JPH3: variants seen among roughly 807,000 people sequenced by gnomAD.
JPH3 encodes the protein junctophilin 3.
In JPH3, 11 loss-of-function variants were observed where a neutral mutation model predicts 59.6. The ratio of observed to expected loss-of-function variants is 0.18; its 90% CI spans 0.12 to 0.31. The LOEUF (loss-of-function observed/expected upper bound fraction) is 0.31, where lower values mean the gene tolerates loss of function less well. JPH3 is among the 10% of genes least tolerant of loss of function. The probability of loss-of-function intolerance (pLI) is 1.00; values close to 1 mark genes in which losing one functional copy is unlikely to be tolerated. For missense variants in JPH3, 1,202 were observed against 1,105.7 expected (o/e 1.09, Z -1.24); for synonymous variants, 673 against 483.6 (o/e 1.39, Z -5.14).
At chr16:87,685,085 C>A (rs544560421) in intron 3 of JPH3, among the ~76,000 whole-genome samples, 3 of 152,172 alleles carry the variant, frequency 2.0e-5, no homozygotes, top group African/African-American at 7.2e-5. Context: ...TGAACTTGCT[C>A]GCAACGCCTG....
chr16:87,636,547 C>T (rs1268446446), intron 1 of JPH3, among the ~76,000 whole-genome samples: 1 of 152,226 alleles, frequency 6.6e-6, no homozygotes, highest in Admixed American at 6.5e-5. Context: ...AGCCCTGTCC[C>T]TCACTGCCTG....
intron 2 of JPH3, among the ~76,000 whole-genome samples, chr16:87,681,028 C>G (rs191520939): frequency 2.0e-5 from 3 of 152,160 alleles, no homozygotes; most frequent in Non-Finnish European, 4.4e-5. Flanking sequence ...TGAAAGACCC[C>G]GTCCTCTCCG....
At chr16:87,635,439 C>T (rs915164451) in intron 1 of JPH3, among the ~76,000 whole-genome samples, 11 of 152,324 alleles carry the variant, frequency 7.2e-5, no homozygotes, top group East Asian at 5.8e-4. Flanking sequence ...AAGAGCCTGC[C>T]AGCCATACTT....
intron 2 of JPH3, among the ~76,000 whole-genome samples, chr16:87,677,179 T>C (rs1345758235): frequency 5.5e-5 from 4 of 72,686 alleles, no homozygotes; most frequent in African/African-American, 2.0e-4. Flanking sequence ...ACGCACTATA[T>C]ATATATACAC....
At chr16:87,665,245 G>A (rs1013624438) in intron 2 of JPH3, among the ~76,000 whole-genome samples, 1 of 152,194 alleles carries the variant, frequency 6.6e-6, no homozygotes, top group African/African-American at 2.4e-5. Context: ...CCGATTGGCT[G>A]CCCGGGACCT....
At chr16:87,616,777 C>G (rs149138709) in intron 1 of JPH3, among the ~76,000 whole-genome samples, 1 of 152,184 alleles carries the variant, frequency 6.6e-6, no homozygotes, top group Non-Finnish European at 1.5e-5. Context: ...TAGCCATACC[C>G]GCTGCCCTGG....
At position 87,697,366 on chromosome 16, in the gene JPH3, C is replaced by A. The variant is rs1051280598; in HGVS notation, c.*706C>A. On this transcript the variant is annotated 3_prime_UTR_variant, in exon 5 of 5. Coordinates refer to ENST00000284262, the MANE Select transcript of JPH3 (RefSeq NM_020655.4). ...CAAAGCCCTTTTCTTCTGCTGCCCA[C>A]TCACTGTGGGTCCCATTCGGCTGTT... 1 of 152,454 alleles carries A rather than the reference C, an allele frequency of 6.6e-6. No homozygotes were observed. The highest frequency in any genetic ancestry group is 2.4e-5 in the African/African-American group (1 of 41,462). The allele number at this position is 152,454 out of a possible 1,614,324, so 9.4% of individuals were successfully genotyped here.
chr16:87,685,096 C>G (rs1567613947), intron 3 of JPH3, among the ~76,000 whole-genome samples: 1 of 152,204 alleles, frequency 6.6e-6, no homozygotes, highest in Non-Finnish European at 1.5e-5. Flanking sequence ...GCAACGCCTG[C>G]CACTCTGGCC....
rs1185749753 is a variant in JPH3 at position 87,698,038 on chromosome 16, TTTGC to T, written c.*1381_*1384del. ...GCCCGTCTTATGGACTCTGCCTTGC[TTTGC>T]TTATGTTTAGCTGTTTCTCTGCTAC... On this transcript the variant is annotated 3_prime_UTR_variant, in exon 5 of 5. Transcript: ENST00000284262. 2.0e-5 allele frequency: 3 copies of T among 152,644 alleles called. No homozygotes were observed. Among genetic ancestry groups the T allele is most frequent in the Non-Finnish European group, 4.4e-5 (3 of 68,046 alleles). 9.5% of individuals were successfully genotyped at this position (152,644 alleles called of 1,614,324 possible).
rs2033534090 is a variant in JPH3, at chr16:87,690,311, G to C, written c.1951G>C (p.Gly651Arg). The change falls in exon 4 of 5, where the codon GGG becomes CGG. Residue 651 changes from glycine to arginine, a missense_variant. By Grantham distance (125) the Gly-to-Arg change is moderately radical (BLOSUM62 -2). Transcript: ENST00000284262. ...CCACCGCCCCGAGGACCGGGGCTTC[G>C]GGGTGCAGAGACTGCGGTCCAAGGC... ...DDHRPEDRGFGVQRLRSKAQN... is the reference protein window; with the variant it reads ...DDHRPEDRGFRVQRLRSKAQN... 6.3e-7 allele frequency: 1 copy of C among 1,594,260 alleles called. No individual in the cohort carries two copies.
chr16:87,684,109 G>T lies in JPH3; in HGVS notation c.1161-33G>T, dbSNP rs561331325. On this transcript the variant is annotated intron_variant, in intron 2 of 4. Transcript: ENST00000284262. ...CAGACCCCTGTCACCTGTGCCCCCTGCCCCCCCTCACGCTCCTCCCTGTCT... is the reference window on the plus strand; with the variant it reads ...CAGACCCCTGTCACCTGTGCCCCCTTCCCCCCCTCACGCTCCTCCCTGTCT... The T allele has an allele frequency of 2.5e-6, 4 of 1,570,658 alleles. No individual in the cohort carries two copies. In the South Asian group the frequency reaches 4.5e-5, roughly 17 times the overall value.
intron 1 of JPH3, among the ~76,000 whole-genome samples, chr16:87,612,132 A>G (rs370513579): frequency 6.6e-6 from 1 of 151,846 alleles, no homozygotes; most frequent in African/African-American, 2.4e-5. Context: ...TTTTATTTTA[A>G]TTTTTTTCAG....
chr16:87,687,800 C>T (rs1370664745), intron 3 of JPH3, among the ~76,000 whole-genome samples: 2 of 152,156 alleles, frequency 1.3e-5, no homozygotes, highest in African/African-American at 2.4e-5. Context: ...GGCCTGATCT[C>T]GGCAGCAGTG....
At chr16:87,630,503 C>A (rs1000460373) in intron 1 of JPH3, among the ~76,000 whole-genome samples, 7 of 149,690 alleles carry the variant, frequency 4.7e-5, no homozygotes, top group Middle Eastern at 3.2e-3. Context: ...CACCCACACC[C>A]ACGTTGACAA....
intron 1 of JPH3, among the ~76,000 whole-genome samples, chr16:87,640,325 C>T (rs2031904066): frequency 7.3e-6 from 1 of 136,148 alleles, no homozygotes; most frequent in Non-Finnish European, 1.6e-5. Flanking sequence ...AAGACTCCAT[C>T]TCAAAAAAAA....
chr16:87,629,550 G>A (rs898131835), intron 1 of JPH3, among the ~76,000 whole-genome samples: 3 of 152,136 alleles, frequency 2.0e-5, no homozygotes, highest in African/African-American at 7.2e-5. Flanking sequence ...ACGCGGAGCA[G>A]CCTTCAATGC....
At chr16:87,617,832 G>A (rs1479479130) in intron 1 of JPH3, among the ~76,000 whole-genome samples, 3 of 152,148 alleles carry the variant, frequency 2.0e-5, no homozygotes, top group Admixed American at 6.5e-5. Context: ...TGGGTGGAAG[G>A]GGCGGGGCAT....
intron 1 of JPH3, 90 bp downstream of exon 1, chr16:87,603,618 G>A: frequency 6.9e-7 from 1 of 1,440,928 alleles, no homozygotes; most frequent in Non-Finnish European, 9.3e-7. Flanking sequence ...GTTGAGCTGC[G>A]TCCTCCGGTT....
Position 87,644,249 on chromosome 16 carries a change from T to G in JPH3, c.383-9T>G. The G allele has an allele frequency of 6.3e-7, 1 of 1,593,176 alleles. No homozygotes were observed. The highest frequency in any genetic ancestry group is 8.6e-7 in the Non-Finnish European group (1 of 1,169,262). Reference sequence around the variant, plus strand: ...CTGGGCACTCACCCCTCTCTCATTTTCTCCCCAGGGACCTACCAGGGCCAG... The same window carrying G: ...CTGGGCACTCACCCCTCTCTCATTTGCTCCCCAGGGACCTACCAGGGCCAG... On this transcript the variant is annotated splice_polypyrimidine_tract_variant and intron_variant, in intron 1 of 4. Coordinates refer to ENST00000284262, the MANE Select transcript of JPH3 (RefSeq NM_020655.4).
Sources: allele counts gnomAD v4.1 joint callset (sites outside exome capture counted in the v4.1 genomes callset), GRCh38; gene constraint gnomAD v4.1.1; transcripts MANE v1.5; gene names NCBI Gene and HGNC (gene_info 2026-07-23, HGNC 2026-07-21).